PBRM1: variants seen among roughly 807,000 people sequenced by gnomAD.
PBRM1 encodes protein polybromo-1.
A neutral mutation model predicts 194.5 loss-of-function variants in PBRM1; 27 were observed. That is an observed-to-expected ratio of 0.14 (90% CI 0.10 to 0.19). The LOEUF is 0.19. PBRM1 is among the 10% of genes least tolerant of loss of function. The probability of loss-of-function intolerance (pLI) is 1.00; values close to 1 mark genes in which losing one functional copy is unlikely to be tolerated. For missense variants in PBRM1, 1,466 were observed against 2,077.2 expected, an observed-to-expected ratio of 0.71 and a Z score of 5.72; for synonymous variants, 655 against 693.2, an observed-to-expected ratio of 0.94 and a Z score of 0.87.
At chr3:52,651,381 A>G (rs2590849) in intron 6 of PBRM1, among the ~76,000 whole-genome samples, 151,135 of 152,310 alleles carry the variant, frequency 0.99, 75,004 homozygotes, top group Middle Eastern at 1. Context: ...AGGTTACCCC[A>G]TCTACCCTGA....
chr3:52,633,082 T>C (rs1379292842), intron 11 of PBRM1, among the ~76,000 whole-genome samples: 1 of 152,174 alleles, frequency 6.6e-6, no homozygotes. Context: ...CATCCATCTC[T>C]AGAACTCTTT....
intron 22 of PBRM1, among the ~76,000 whole-genome samples, chr3:52,571,134 T>G (rs1359876651): frequency 6.6e-6 from 1 of 151,648 alleles, no homozygotes; most frequent in Non-Finnish European, 1.5e-5. Context: ...ACCATCCTGG[T>G]CAACATGGTG....
chr3:52,650,579 T>G (rs1255337083), intron 6 of PBRM1, among the ~76,000 whole-genome samples: 1 of 152,110 alleles, frequency 6.6e-6, no homozygotes, highest in Non-Finnish European at 1.5e-5. Flanking sequence ...AACACACTGT[T>G]TTCCTTTTTG....
chr3:52,656,721 G>T (rs909596119), intron 5 of PBRM1, among the ~76,000 whole-genome samples: 2 of 151,830 alleles, frequency 1.3e-5, no homozygotes, highest in Admixed American at 1.3e-4. Flanking sequence ...TATCAATGAA[G>T]AATTACCAAT....
At chr3:52,578,965 CT>C in intron 21 of PBRM1, 88 bp downstream of exon 23, 1 of 1,265,746 alleles carries the variant, frequency 7.9e-7, no homozygotes, top group Non-Finnish European at 1.2e-6. Context: ...AGGGGAAGGA[CT>C]TTTGTCTTCA....
At position 52,634,824 on chromosome 3, in the gene PBRM1, A is replaced by C; in HGVS notation, c.1088-9T>G. ...CTCTTCATAGCGTGCAGCTGGAAAGACAAAAAAAGTATTTATAAAGGGACG... is the reference window on the plus strand; with the variant it reads ...CTCTTCATAGCGTGCAGCTGGAAAGCCAAAAAAAGTATTTATAAAGGGACG... On this transcript the variant is annotated splice_polypyrimidine_tract_variant and intron_variant, in intron 10 of 29. Coordinates refer to ENST00000296302, the Ensembl canonical transcript of PBRM1. The C allele has an allele frequency of 6.3e-7, 1 of 1,598,240 alleles. No individual in the cohort carries two copies. The highest frequency in any genetic ancestry group is 8.6e-7 in the Non-Finnish European group (1 of 1,168,208).
At chr3:52,632,882 C>T (rs9856150) in intron 11 of PBRM1, among the ~76,000 whole-genome samples, 6 of 151,890 alleles carry the variant, frequency 4.0e-5, no homozygotes, top group Non-Finnish European at 7.4e-5. Flanking sequence ...TTAATGGAGA[C>T]GGGGTTTCAC....
At chr3:52,558,904 G>T (rs1027252191) in intron 25 of PBRM1, among the ~76,000 whole-genome samples, 1 of 152,056 alleles carries the variant, frequency 6.6e-6, no homozygotes, top group African/African-American at 2.4e-5. Context: ...GACTCATCAC[G>T]AGTGTCATGG....
At chr3:52,645,567 ACTTTAAAGCTT>A (rs2096268189) in intron 7 of PBRM1, among the ~76,000 whole-genome samples, 1 of 148,862 alleles carries the variant, frequency 6.7e-6, no homozygotes, top group Non-Finnish European at 1.5e-5. Context: ...TAAAGGGAGC[ACTTTAAAGCTT>A]CTTGAATTGC....
At chr3:52,681,635 G>A (rs1478598492), upstream of PBRM1, 2 of 720,340 alleles carry the variant, frequency 2.8e-6, no homozygotes, top group Admixed American at 6.1e-5. Context: ...TAAGAAAGGT[G>A]GAAGGAAAAA....
At chr3:52,605,327 T>C (rs747979669) in intron 16 of PBRM1, among the ~76,000 whole-genome samples, 1 of 152,046 alleles carries the variant, frequency 6.6e-6, no homozygotes, top group Non-Finnish European at 1.5e-5. Context: ...AAATTACAGA[T>C]GTGAGCCACC....
intron 2 of PBRM1, among the ~76,000 whole-genome samples, chr3:52,672,298 G>A (rs184349360): frequency 1.6e-3 from 237 of 152,124 alleles, no homozygotes; most frequent in African/African-American, 5.4e-3. Flanking sequence ...GACCCACATG[G>A]ATAATCCAGG....
chr3:52,574,074 T>C (rs920988723), intron 22 of PBRM1, among the ~76,000 whole-genome samples: 2 of 152,250 alleles, frequency 1.3e-5, no homozygotes, highest in Non-Finnish European at 2.9e-5. Flanking sequence ...AAAAACATTT[T>C]GTCTTAGTTT....
At chr3:52,659,613 G>A (rs1044373804) in intron 4 of PBRM1, among the ~76,000 whole-genome samples, 5 of 152,080 alleles carry the variant, frequency 3.3e-5, no homozygotes, top group Admixed American at 2.6e-4. Context: ...GTAGACATGG[G>A]CGTCTCACTA....
chr3:52,639,469 G>A (rs1213784785), intron 10 of PBRM1, among the ~76,000 whole-genome samples: 1 of 151,422 alleles, frequency 6.6e-6, no homozygotes, highest in Non-Finnish European at 1.5e-5. Context: ...GGGCTGGAGT[G>A]CAGTGGTGGG....
chr3:52,678,881 T>C (rs866422067), intron 1 of PBRM1, among the ~76,000 whole-genome samples: 27 of 152,340 alleles, frequency 1.8e-4, no homozygotes, highest in African/African-American at 6.0e-4. Context: ...AGTCATCCAA[T>C]TGAAGGGTTT....
intron 10 of PBRM1, among the ~76,000 whole-genome samples, chr3:52,635,575 T>A (rs6445530): frequency 0.97 from 147,861 of 152,222 alleles, 71,843 homozygotes; most frequent in East Asian, 1. Context: ...CAAAAACAAA[T>A]ACAAAAACAA....
chr3:52,582,386 A>G (rs1173637640), intron 20 of PBRM1, among the ~76,000 whole-genome samples: 2 of 151,388 alleles, frequency 1.3e-5, no homozygotes, highest in African/African-American at 2.4e-5. Context: ...TAAGTTAATT[A>G]TCATGCTGAC....
At chr3:52,576,182 A>C (rs1251001395) in intron 22 of PBRM1, among the ~76,000 whole-genome samples, 3 of 152,164 alleles carry the variant, frequency 2.0e-5, no homozygotes, top group Non-Finnish European at 4.4e-5. Context: ...AGAAATGGCC[A>C]AAAACTCCCC....
Sources: gnomAD v4.1 joint callset for allele counts (sites outside exome capture counted in the v4.1 genomes callset) on GRCh38, gnomAD v4.1.1 for gene constraint, MANE v1.5 for transcripts, NCBI Gene and HGNC (gene_info 2026-07-23, HGNC 2026-07-21) for gene names.